Variants in NOX3 observed in about 807,000 individuals in gnomAD.
NOX3 encodes the protein NADPH oxidase 3.
In NOX3, 74 loss-of-function variants were observed where a neutral mutation model predicts 76.7. That is an observed-to-expected ratio of 0.96 (90% CI 0.80 to 1.17). NOX3 has a LOEUF of 1.17. NOX3 is among the 50% of genes most tolerant of loss of function. The probability of loss-of-function intolerance (pLI) is 0.00; values close to 1 mark genes in which losing one functional copy is unlikely to be tolerated. For missense variants in NOX3, 695 were observed against 703.3 expected, an observed-to-expected ratio of 0.99 and a Z score of 0.13; for synonymous variants, 263 against 261.1, an observed-to-expected ratio of 1.01 and a Z score of -0.07.
At chr6:155,408,912 G>A (rs1776503562) in intron 11 of NOX3, among the ~76,000 whole-genome samples, 1 of 150,938 alleles carries the variant, frequency 6.6e-6, no homozygotes, top group African/African-American at 2.4e-5. Flanking sequence ...GGGCACACAT[G>A]GACATAAAGA....
intron 4 of NOX3, 46 bp downstream of exon 4, chr6:155,453,358 G>T: frequency 7.3e-7 from 1 of 1,370,138 alleles, no homozygotes; most frequent in Non-Finnish European, 1.0e-6. Flanking sequence ...TATGAAGTTA[G>T]GCATCAGATA....
At chr6:155,398,752 T>C (rs976883557) in intron 12 of NOX3, among the ~76,000 whole-genome samples, 2 of 152,220 alleles carry the variant, frequency 1.3e-5, no homozygotes, top group Non-Finnish European at 2.9e-5. Context: ...GCTCCACCAC[T>C]TCGTTGCTGG....
chr6:155,429,342 C>T (rs1270567362), intron 8 of NOX3, among the ~76,000 whole-genome samples: 1 of 152,190 alleles, frequency 6.6e-6, no homozygotes, highest in Non-Finnish European at 1.5e-5. Flanking sequence ...TTCCACAGCA[C>T]AGTCAACCAG....
chr6:155,445,914 TAG>T (rs1777054851), intron 4 of NOX3, among the ~76,000 whole-genome samples: 2 of 143,138 alleles, frequency 1.4e-5, no homozygotes, highest in Non-Finnish European at 3.0e-5. Flanking sequence ...ATATATGCTA[TAG>T]ATATATAATA....
chr6:155,397,907 A>G lies in NOX3; in HGVS notation c.1581-945T>C, dbSNP rs367548097. Among the ~76,000 whole-genome samples, 5 of 152,200 alleles carry G rather than the reference A, an allele frequency of 3.3e-5. No homozygotes were observed. The East Asian group carries it at 5.8e-4, about 18-fold the overall frequency. ...GTCATCTCTAATCTTGACATTTCAG[A>G]AAACTATGTCAGAGAGATACTTTTT... On this transcript the variant is annotated intron_variant, in intron 12 of 13. Transcript: ENST00000159060.
At chr6:155,445,674 C>T in intron 4 of NOX3, among the ~76,000 whole-genome samples, 1 of 151,834 alleles carries the variant, frequency 6.6e-6, no homozygotes, top group East Asian at 1.9e-4. Flanking sequence ...CTATTTATCC[C>T]TGCACCCCTG....
At position 155,451,559 on chromosome 6, in the gene NOX3, C is replaced by T. The variant is rs1182852542; in HGVS notation, c.340+1845G>A. On this transcript the variant is annotated intron_variant, in intron 4 of 13. Transcript: ENST00000159060. ...GATTACATATAAAGAAATGTACATG[C>T]CCAAAAGTTTAAGGAGAAAACTATT... 1.6e-4 allele frequency among the ~76,000 whole-genome samples: 24 copies of T among 152,262 alleles called. 1 individual carries two copies. Among genetic ancestry groups the T allele is most frequent in the East Asian group, 7.7e-4 (4 of 5,188 alleles).
At chr6:155,436,749 C>T (rs1432936549) in intron 6 of NOX3, among the ~76,000 whole-genome samples, 1 of 152,034 alleles carries the variant, frequency 6.6e-6, no homozygotes, top group Non-Finnish European at 1.5e-5. Context: ...TTTGAAGATC[C>T]CAGAAAAGAA....
intron 4 of NOX3, among the ~76,000 whole-genome samples, chr6:155,451,130 C>T (rs773496222): frequency 2.0e-5 from 3 of 152,100 alleles, no homozygotes; most frequent in Admixed American, 1.3e-4. Context: ...AGGCATGAAC[C>T]ACCATACCTG....
rs899396182 is a variant in NOX3 at position 155,418,408 on chromosome 6, C to T, written c.1308+4286G>A. ...CTTCCCTCATCCCACAGGGGCACAGCGTTCTCAGCTGCCTTCAACTCAGTG... is the reference window on the plus strand; with the variant it reads ...CTTCCCTCATCCCACAGGGGCACAGTGTTCTCAGCTGCCTTCAACTCAGTG... On this transcript the variant is annotated intron_variant, in intron 10 of 13. Coordinates refer to ENST00000159060, the MANE Select transcript of NOX3 (RefSeq NM_015718.3). Among the ~76,000 whole-genome samples, 6 of 152,312 alleles carry T rather than the reference C, an allele frequency of 3.9e-5. No individual in the cohort carries two copies. In the East Asian group the frequency reaches 9.6e-4, roughly 24 times the overall value.
At position 155,436,969 on chromosome 6, in the gene NOX3, TTCTGAATGC is replaced by T. The variant is rs151239605; in HGVS notation, c.669-431_669-423del. On this transcript the variant is annotated intron_variant, in intron 6 of 13. Transcript: ENST00000159060. ...TTAACTTCTACCCTCCTTGGGTTGTTTCTGAATGCTCAGAAGTCTTCAAGTGAAGGAGTC... is the reference window on the plus strand; with the variant it reads ...TTAACTTCTACCCTCCTTGGGTTGTTTCAGAAGTCTTCAAGTGAAGGAGTC... Among the ~76,000 whole-genome samples, 849 of 152,316 alleles carry T rather than the reference TTCTGAATGC, an allele frequency of 5.6e-3. 15 individuals carry two copies. Among genetic ancestry groups the T allele is most frequent in the African/African-American group, 0.02 (821 of 41,554 alleles).
intron 12 of NOX3, among the ~76,000 whole-genome samples, chr6:155,405,367 A>G (rs1022684248): frequency 6.6e-6 from 1 of 152,208 alleles, no homozygotes; most frequent in East Asian, 1.9e-4. Context: ...TGACCTGTCA[A>G]TACAGTGTCT....
chr6:155,452,885 A>T (rs1777165523), intron 4 of NOX3, among the ~76,000 whole-genome samples: 1 of 152,202 alleles, frequency 6.6e-6, no homozygotes, highest in Non-Finnish European at 1.5e-5. Flanking sequence ...TAGAAATATA[A>T]TAATAGCAAT....
intron 10 of NOX3, 120 bp downstream of exon 10, chr6:155,422,574 G>T: frequency 2.2e-6 from 2 of 890,104 alleles, no homozygotes; most frequent in Non-Finnish European, 1.7e-6. Flanking sequence ...GTATAGTTAA[G>T]GATCCTTGAG....
intron 11 of NOX3, among the ~76,000 whole-genome samples, chr6:155,407,784 G>A (rs1261595521): frequency 1.3e-5 from 2 of 152,140 alleles, no homozygotes; most frequent in African/African-American, 4.8e-5. Flanking sequence ...TTCAAGTGCT[G>A]GGAGGATGTG....
chr6:155,409,023 A>G (rs761712581), intron 11 of NOX3, among the ~76,000 whole-genome samples: 1 of 152,130 alleles, frequency 6.6e-6, no homozygotes. Flanking sequence ...TGTTTGGGTA[A>G]TGGGTAACCC....
At chr6:155,422,143 G>A (rs962644626) in intron 10 of NOX3, among the ~76,000 whole-genome samples, 11 of 152,130 alleles carry the variant, frequency 7.2e-5, no homozygotes, top group Non-Finnish European at 1.3e-4. Flanking sequence ...TCCAAGTATC[G>A]GATGGAGTGT....
intron 3 of NOX3, among the ~76,000 whole-genome samples, chr6:155,454,127 C>T (rs1043748972): frequency 6.6e-6 from 1 of 152,090 alleles, no homozygotes; most frequent in Admixed American, 6.5e-5. Flanking sequence ...ACAAAGTGAG[C>T]ACATGGTATT....
At chr6:155,416,133 C>A (rs941647379) in intron 10 of NOX3, among the ~76,000 whole-genome samples, 12 of 152,236 alleles carry the variant, frequency 7.9e-5, no homozygotes, top group Non-Finnish European at 1.8e-4. Context: ...CCTTGACCAT[C>A]GCCTCCTCAA....
Sources: allele counts gnomAD v4.1 joint callset (sites outside exome capture counted in the v4.1 genomes callset), GRCh38; gene constraint gnomAD v4.1.1; transcripts MANE v1.5; gene names NCBI Gene and HGNC (gene_info 2026-07-23, HGNC 2026-07-21).